Variants in PCDHGB5 observed in about 807,000 individuals in gnomAD.
The protein encoded by PCDHGB5 is protocadherin gamma subfamily B, 5, also known as protocadherin gamma-B5.
In PCDHGB5, 48 loss-of-function variants were observed where a neutral mutation model predicts 62.9. That is an observed-to-expected ratio of 0.76 (90% CI 0.61 to 0.97). The LOEUF is 0.97. Among genes scored for constraint, PCDHGB5 ranks in the 50% least tolerant of loss-of-function variants. PCDHGB5 has a pLI of 0.00. For missense variants in PCDHGB5, 1,118 were observed against 1,198.6 expected (o/e 0.93, Z 0.99); for synonymous variants, 474 against 511.2 (o/e 0.93, Z 0.98).
At chr5:141,417,538 A>G (rs2154547037) in intron 1 of PCDHGB5, 2 of 297,748 alleles carry the variant, frequency 6.7e-6, no homozygotes, top group East Asian at 6.0e-5. Flanking sequence ...AGTTTAAAAA[A>G]AATTCCTTGA....
intron 3 of PCDHGB5, among the ~76,000 whole-genome samples, chr5:141,508,711 T>G (rs1201917424): frequency 6.6e-6 from 1 of 152,058 alleles, no homozygotes; most frequent in Admixed American, 6.5e-5. Flanking sequence ...CTCATTCTTT[T>G]CTGTGTGCAG....
chr5:141,484,867 G>C lies in PCDHGB5; in HGVS notation c.2398-9940G>C, dbSNP rs573580017. The C allele has an allele frequency of 1.8e-5, 5 of 282,560 alleles. No homozygotes were observed. The Admixed American group carries it at 1.9e-4, about 11-fold the overall frequency. The allele number at this position is 282,560 out of a possible 1,614,324, so 17.5% of individuals were successfully genotyped here. A position where few individuals can be genotyped will look rare whatever the true frequency, so the allele number is the denominator to read the frequency against. ...TGGGTTTTTTGGGGGGTGGGGGAGC[G>C]TGGAGGATAGGGTGGGCTTTTTCCC... On this transcript the variant is annotated intron_variant, in intron 1 of 3. Coordinates refer to ENST00000617380, the MANE Select transcript of PCDHGB5 (RefSeq NM_018925.3).
In PCDHGB5 at chr5:141,458,391, C is replaced by G. The variant is rs534396279; in HGVS notation, c.2398-36416C>G. 5.9e-5 allele frequency among the ~76,000 whole-genome samples: 9 copies of G among 152,126 alleles called. No homozygotes were observed. In the South Asian group the frequency reaches 1.0e-3, roughly 18 times the overall value. ...GGAGAAGAGAGAAGGAAGACGCTCCCCCTTGCAGAGACGGAGCGGGGGTTC... is the reference window on the plus strand; with the variant it reads ...GGAGAAGAGAGAAGGAAGACGCTCCGCCTTGCAGAGACGGAGCGGGGGTTC... On this transcript the variant is annotated intron_variant, in intron 1 of 3. Coordinates refer to ENST00000617380, the MANE Select transcript of PCDHGB5 (RefSeq NM_018925.3).
At chr5:141,409,796 C>T (rs750405889) in intron 1 of PCDHGB5, 1 of 1,611,944 alleles carries the variant, frequency 6.2e-7, no homozygotes, top group Non-Finnish European at 8.5e-7. Context: ...CGCGCTCACG[C>T]TGCAGGCCCG....
chr5:141,398,887 A>T lies in PCDHGB5; in HGVS notation c.760A>T (p.Asn254Tyr). Reference sequence around the variant, plus strand: ...CGTGTACAGAGTCAGCCTTCGGGAAAACGTGCCACCAGGCACCACTGTGTT... The same window carrying T: ...CGTGTACAGAGTCAGCCTTCGGGAATACGTGCCACCAGGCACCACTGTGTT... ...RDVYRVSLRE[N>Y]VPPGTTVLQV... Residue 254 changes from asparagine to tyrosine, a missense_variant, in exon 1 of 4, where the codon AAC becomes TAC. Physicochemically the swap from Asn to Tyr is moderately radical, Grantham distance 143 (BLOSUM62 -2). Coordinates refer to ENST00000617380, the MANE Select transcript of PCDHGB5 (RefSeq NM_018925.3). The T allele has an allele frequency of 6.2e-7, 1 of 1,613,976 alleles. No homozygotes were observed. The highest frequency in any genetic ancestry group is 8.5e-7 in the Non-Finnish European group (1 of 1,179,894).
At chr5:141,420,469 T>C in intron 1 of PCDHGB5, 1 of 724,306 alleles carries the variant, frequency 1.4e-6, no homozygotes. Flanking sequence ...AAAGACATTT[T>C]AAAGCAAACT....
intron 1 of PCDHGB5, among the ~76,000 whole-genome samples, chr5:141,483,124 G>A (rs1468216170): frequency 6.6e-6 from 1 of 152,154 alleles, no homozygotes; most frequent in East Asian, 1.9e-4. Flanking sequence ...GTCTTTGTAG[G>A]AGATGAGGTG....
chr5:141,431,604 G>C lies in PCDHGB5; in HGVS notation c.2397+31080G>C. 1 of 1,614,206 alleles carries C rather than the reference G, an allele frequency of 6.2e-7. No individual in the cohort carries two copies. Among genetic ancestry groups the C allele is most frequent in the South Asian group, 1.1e-5 (1 of 91,088 alleles). On this transcript the variant is annotated intron_variant, in intron 1 of 3. Coordinates refer to ENST00000617380, the MANE Select transcript of PCDHGB5 (RefSeq NM_018925.3). The surrounding 1 kb of genome is among the most constrained non-coding windows in gnomAD (Gnocchi z 4.8). ...AATGCGGAAGTGAGGTATTCCTTCC[G>C]GTATGTGGACGACAAGGCGGCCCAA...
chr5:141,474,608 T>C (rs1469173973), intron 1 of PCDHGB5, among the ~76,000 whole-genome samples: 1 of 152,268 alleles, frequency 6.6e-6, no homozygotes, highest in Non-Finnish European at 1.5e-5. Flanking sequence ...AGGTCACATA[T>C]GGCTTTTCAT....
At chr5:141,421,079 T>A (rs2096545177) in intron 1 of PCDHGB5, 1 of 630,528 alleles carries the variant, frequency 1.6e-6, no homozygotes, top group Non-Finnish European at 2.7e-6. Context: ...AGATGGATAC[T>A]CACAGATCCT....
chr5:141,418,105 G>A lies in PCDHGB5; in HGVS notation c.2397+17581G>A, dbSNP rs971913143. On this transcript the variant is annotated intron_variant, in intron 1 of 3. Transcript: ENST00000617380. ...ACTTCAGCGTAGACGCGCAGAGCGG[G>A]GACTTACTTGTGAAGGACCGAATAG... 5 of 1,614,062 alleles carry A rather than the reference G, an allele frequency of 3.1e-6. No homozygotes were observed. The East Asian group carries it at 8.9e-5, about 29-fold the overall frequency.
rs376209053 is a variant in PCDHGB5, at chr5:141,410,666, T to A, written c.2397+10142T>A. On this transcript the variant is annotated intron_variant, in intron 1 of 3. Transcript: ENST00000617380. ...TGTGATTTATCTAATAGTCTACTAG[T>A]TTCTCATATTTTAGGCATACTACTT... is the stretch of plus-strand genomic sequence containing the variant. 2.6e-6 allele frequency: 4 copies of A among 1,565,890 alleles called. No homozygotes were observed. In the African/African-American group the frequency reaches 5.5e-5, roughly 21 times the overall value.
intron 1 of PCDHGB5, 33 bp from the exon 2 acceptor site, chr5:141,494,774 T>C (rs1462930792): frequency 6.2e-7 from 1 of 1,613,860 alleles, no homozygotes; most frequent in African/African-American, 1.3e-5. Flanking sequence ...TTCTCACGGG[T>C]ACTCAGCCCC....
chr5:141,487,135 A>G lies in PCDHGB5; in HGVS notation c.2398-7672A>G. 6.2e-7 allele frequency: 1 copy of G among 1,613,544 alleles called. No individual in the cohort carries two copies. The highest frequency in any genetic ancestry group is 8.5e-7 in the Non-Finnish European group (1 of 1,179,856). ...TGGTAAAGGATAGTGGTAGTCCACC[A>G]CTCTCTACCTCTGTTACTCTCTTAG... On this transcript the variant is annotated intron_variant, in intron 1 of 3. Transcript: ENST00000617380. The surrounding 1 kb of genome is among the most constrained non-coding windows in gnomAD (Gnocchi z 5.0).
At chr5:141,414,009 T>C in intron 1 of PCDHGB5, 1 of 1,612,964 alleles carries the variant, frequency 6.2e-7, no homozygotes, top group Middle Eastern at 1.7e-4. Context: ...AAGGTGCCAA[T>C]GGAGAAGTGA....
chr5:141,427,871 G>A (rs762885351), intron 1 of PCDHGB5: 1 of 1,559,530 alleles, frequency 6.4e-7, no homozygotes, highest in South Asian at 1.1e-5. Flanking sequence ...TCGAGCTCAC[G>A]ATGCAGGCCC....
chr5:141,427,405 C>T (rs1209638263), intron 1 of PCDHGB5: 1 of 462,180 alleles, frequency 2.2e-6, no homozygotes, highest in East Asian at 6.8e-5. Context: ...GATAAAGATT[C>T]GAGAGAAAAT....
intron 1 of PCDHGB5, chr5:141,421,800 G>A: frequency 6.2e-7 from 1 of 1,613,846 alleles, no homozygotes; most frequent in Non-Finnish European, 8.5e-7. Context: ...ATGGGGCCAA[G>A]AATCCAGAGC....
chr5:141,408,329 A>G (rs2095085203), intron 1 of PCDHGB5: 1 of 1,613,698 alleles, frequency 6.2e-7, no homozygotes, highest in Admixed American at 1.7e-5. Context: ...GGAGCTGGCC[A>G]AGGGCTCGGT....
Sources: allele counts gnomAD v4.1 joint callset (sites outside exome capture counted in the v4.1 genomes callset), GRCh38; gene constraint gnomAD v4.1.1; non-coding constraint Gnocchi (gnomAD v3.1); transcripts MANE v1.5; gene names NCBI Gene and HGNC (gene_info 2026-07-23, HGNC 2026-07-21).